The following PARP14 variants were observed in gnomAD, a reference collection of about 807,000 sequenced individuals.
PARP14 encodes the protein poly(ADP-ribose) polymerase family member 14.
A neutral mutation model predicts 154.2 loss-of-function variants in PARP14; 59 were observed. That is an observed-to-expected ratio of 0.38 (90% confidence interval 0.31 to 0.48). The LOEUF is 0.48. PARP14 is among the 20% of genes least tolerant of loss of function. The pLI is 0.98. For missense variants in PARP14, 1,734 were observed against 2,131.6 expected (o/e 0.81, Z 3.67); for synonymous variants, 720 against 780.5 (o/e 0.92, Z 1.29).
chr3:122,713,351 C>T lies in PARP14; in HGVS notation c.3620-73C>T, dbSNP rs568967607. ...AGAGGGAAGACATCCAAGAGGGTCCCATGTGAGCAGGATACCCAAGTCATT... is the reference window on the plus strand; with the variant it reads ...AGAGGGAAGACATCCAAGAGGGTCCTATGTGAGCAGGATACCCAAGTCATT... On this transcript the variant is annotated intron_variant, in intron 9 of 16. Transcript: ENST00000474629. 18 of 1,290,852 alleles carry T rather than the reference C, an allele frequency of 1.4e-5. 1 individual carries two copies. The South Asian group carries it at 2.4e-4, about 17-fold the overall frequency. 80.0% of individuals were successfully genotyped at this position (1,290,852 alleles called of 1,614,324 possible).
intron 3 of PARP14, among the ~76,000 whole-genome samples, chr3:122,689,694 C>G (rs934421384): frequency 2.6e-5 from 4 of 152,224 alleles, no homozygotes; most frequent in African/African-American, 4.8e-5. Context: ...ATGGCAGGAG[C>G]TCCCTGCCTG....
intron 2 of PARP14, among the ~76,000 whole-genome samples, chr3:122,686,196 CA>C (rs1938367793): frequency 6.6e-6 from 1 of 152,172 alleles, no homozygotes; most frequent in African/African-American, 2.4e-5. Context: ...CTCTGTTGCC[CA>C]GGCTGGAGTG....
chr3:122,720,190 A>G, intron 14 of PARP14, 65 bp from the exon 15 acceptor site: 1 of 1,491,810 alleles, frequency 6.7e-7, no homozygotes, highest in Admixed American at 1.8e-5. Flanking sequence ...ACAAGAACAC[A>G]GATACTAAAT....
At chr3:122,719,708 AGAG>A (rs1278934728) in intron 14 of PARP14, among the ~76,000 whole-genome samples, 3 of 152,252 alleles carry the variant, frequency 2.0e-5, no homozygotes, top group African/African-American at 4.8e-5. Flanking sequence ...TCTGCTTAGC[AGAG>A]GAGAAGACAG....
At chr3:122,716,137 C>T (rs1255772421) in intron 12 of PARP14, among the ~76,000 whole-genome samples, 1 of 152,122 alleles carries the variant, frequency 6.6e-6, no homozygotes, top group African/African-American at 2.4e-5. Flanking sequence ...ATCAAGACAG[C>T]CTCTGGCAGT....
chr3:122,698,471 CT>C (rs1215102712), intron 5 of PARP14, among the ~76,000 whole-genome samples: 1 of 152,150 alleles, frequency 6.6e-6, no homozygotes, highest in East Asian at 1.9e-4. Flanking sequence ...AGGTGTGGTT[CT>C]TACTGAATCA....
At chr3:122,688,091 T>A (rs1045566985) in intron 3 of PARP14, among the ~76,000 whole-genome samples, 3 of 152,148 alleles carry the variant, frequency 2.0e-5, no homozygotes. Flanking sequence ...TAGGATTTTT[T>A]TTTTTGTCTC....
At chr3:122,685,931 C>T (rs1389366617) in intron 2 of PARP14, among the ~76,000 whole-genome samples, 1 of 152,044 alleles carries the variant, frequency 6.6e-6, no homozygotes, top group East Asian at 1.9e-4. Flanking sequence ...AACCTGTAAC[C>T]TGTTATATTT....
chr3:122,713,837 C>T, intron 10 of PARP14, 35 bp from the exon 11 acceptor site: 1 of 1,467,742 alleles, frequency 6.8e-7, no homozygotes, highest in Non-Finnish European at 9.6e-7. Context: ...TGGTTTTTTA[C>T]TCATGTTTGT....
intron 15 of PARP14, among the ~76,000 whole-genome samples, chr3:122,725,147 A>G (rs896576255): frequency 1.4e-4 from 22 of 152,098 alleles, no homozygotes; most frequent in African/African-American, 5.1e-4. Context: ...CCCGTTCTCA[A>G]TGGTCGCTGT....
At position 122,680,874 on chromosome 3, in the gene PARP14, G is replaced by A. The variant is rs772029631; in HGVS notation, c.-10G>A. The A allele has an allele frequency of 9.4e-6, 15 of 1,591,190 alleles. No homozygotes were observed. The highest frequency in any genetic ancestry group is 9.2e-5 in the East Asian group (4 of 43,548). ...CGGCCCCTGCAGTCCGGCGGAGAGC[G>A]GAGCTGAGGATGGCTGTGCCCGGCT... On this transcript the variant is annotated 5_prime_UTR_variant, in exon 1 of 17. Coordinates refer to ENST00000474629, the MANE Select transcript of PARP14 (RefSeq NM_017554.3).
At chr3:122,695,162 C>T (rs1576585096) in intron 4 of PARP14, among the ~76,000 whole-genome samples, 1 of 152,160 alleles carries the variant, frequency 6.6e-6, no homozygotes, top group Non-Finnish European at 1.5e-5. Flanking sequence ...GGAAAACCCT[C>T]AGGAGGGTTG....
intron 2 of PARP14, among the ~76,000 whole-genome samples, chr3:122,685,923 C>T (rs1028255936): frequency 3.3e-5 from 5 of 152,080 alleles, no homozygotes; most frequent in African/African-American, 1.2e-4. Context: ...TTCTTTATAA[C>T]CTGTAACCTG....
At chr3:122,712,287 A>G (rs1380741267) in intron 9 of PARP14, among the ~76,000 whole-genome samples, 1 of 147,666 alleles carries the variant, frequency 6.8e-6, no homozygotes, top group Non-Finnish European at 1.5e-5. Flanking sequence ...TCTGTTGCCC[A>G]GTCTGGAGTG....
chr3:122,717,990 C>A, intron 12 of PARP14, 81 bp from the exon 13 acceptor site: 1 of 1,016,868 alleles, frequency 9.8e-7, no homozygotes, highest in Non-Finnish European at 1.5e-6. Flanking sequence ...ATTCTCTGAG[C>A]ATTGGAAACC....
intron 15 of PARP14, among the ~76,000 whole-genome samples, chr3:122,723,856 G>T (rs1321218694): frequency 6.6e-6 from 1 of 152,154 alleles, no homozygotes; most frequent in African/African-American, 2.4e-5. Flanking sequence ...CATTACACTG[G>T]AGGTTGCAGG....
chr3:122,708,132 A>T (rs778788457), intron 8 of PARP14, 58 bp from the exon 9 acceptor site: 2 of 895,022 alleles, frequency 2.2e-6, no homozygotes, highest in Admixed American at 4.4e-5. Context: ...CACCCTGATG[A>T]TTCCAATTTA....
chr3:122,685,702 G>T (rs1420342867), intron 2 of PARP14, among the ~76,000 whole-genome samples: 1 of 152,024 alleles, frequency 6.6e-6, no homozygotes, highest in Non-Finnish European at 1.5e-5. Context: ...TAGAGACGGG[G>T]TTTCACCATA....
chr3:122,700,832 T>A lies in PARP14; in HGVS notation c.2278T>A (p.Phe760Ile). ...GCAGTTCTTCCAGGATAAAGCACGG[T>A]TTTATCAAAGTGAGATCAAACGGTT... ...AKQFFQDKAR[F>I]YQSEIKRLFG... The change falls in exon 6 of 17, where the codon TTT becomes ATT. Residue 760 changes from phenylalanine to isoleucine, a missense_variant. Phe to Ile is a conservative substitution (Grantham distance 21). Transcript: ENST00000474629. 1.2e-6 allele frequency: 2 copies of A among 1,613,880 alleles called. No homozygotes were observed. The highest frequency in any genetic ancestry group is 3.3e-4 in the Middle Eastern group (2 of 6,062).
Sources: gnomAD v4.1 joint callset for allele counts (sites outside exome capture counted in the v4.1 genomes callset) on GRCh38, gnomAD v4.1.1 for gene constraint, MANE v1.5 for transcripts, NCBI Gene and HGNC (gene_info 2026-07-23, HGNC 2026-07-21) for gene names.